PLCH2: variants seen among roughly 807,000 people sequenced by gnomAD.
PLCH2 encodes the protein 1-phosphatidylinositol 4,5-bisphosphate phosphodiesterase eta-2.
In PLCH2, 98 loss-of-function variants were observed where a neutral mutation model predicts 134.7. The ratio of observed to expected loss-of-function variants is 0.73; its 90% CI spans 0.62 to 0.86. The LOEUF (loss-of-function observed/expected upper bound fraction) is 0.86. Among genes scored for constraint, PLCH2 ranks in the 40% least tolerant of loss-of-function variants. The probability of loss-of-function intolerance (pLI) is 0.00; values close to 1 mark genes in which losing one functional copy is unlikely to be tolerated. For synonymous variants in PLCH2, 974 were observed against 827.5 expected (o/e 1.18, Z -3.04); for missense variants, 1,994 against 1,986.6 (o/e 1.00, Z -0.07).
chr1:2,488,123 G>C (rs528893178), intron 8 of PLCH2, among the ~76,000 whole-genome samples: 1 of 152,258 alleles, frequency 6.6e-6, no homozygotes, highest in Non-Finnish European at 1.5e-5. Flanking sequence ...CGTGTGGTTT[G>C]AATTACCTTC....
chr1:2,502,149 G>A lies in PLCH2; in HGVS notation c.2699G>A (p.Arg900Gln), dbSNP rs1223572596. Residue 900 changes from arginine (R) to glutamine (Q), a missense_variant, in exon 21 of 22, where the codon CGA (arginine) becomes CAA (glutamine). Physicochemically the swap from Arg to Gln is conservative, Grantham distance 43 (BLOSUM62 1). This residue lies in a region of PLCH2 where 900 missense variants were observed against 752.3 expected (regional missense o/e 1.20). Coordinates refer to ENST00000378486, the MANE Select transcript of PLCH2 (RefSeq NM_014638.4). ...QALGLKGLFL[R>Q]GPKPGSLDSH... ...CTGGGCCTAAAAGGCCTCTTCCTCC[G>A]AGGCCCAAAGCCCGGCTCGCTGGAC... 18 of 1,482,250 alleles carry A rather than the reference G, an allele frequency of 1.2e-5. No homozygotes were observed. Among genetic ancestry groups the A allele is most frequent in the South Asian group, 4.0e-5 (3 of 75,264 alleles). The allele number at this position is 1,482,250 out of a possible 1,614,324, so 91.8% of individuals were successfully genotyped here. A position where few individuals can be genotyped will look rare whatever the true frequency, so the allele number is the denominator to read the frequency against.
At position 2,444,295 on chromosome 1, in the gene PLCH2, C is replaced by G. The variant is rs1281355438; in HGVS notation, c.115+13666C>G. On this transcript the variant is annotated intron_variant, in intron 2 of 3. Coordinates refer to the PLCH2 transcript ENST00000609981. This position sits in a 1 kb window ranked among gnomAD's most constrained non-coding sequence, Gnocchi z 4.6. The stretch of plus-strand genomic sequence containing the variant: ...TGCTGAGAATGACCCCTGCTGAGCC[C>G]AGGCCGGGCACCCCGATCCCTGCCG... Among the ~76,000 whole-genome samples, 2 of 152,358 alleles carry G rather than the reference C, an allele frequency of 1.3e-5. No individual in the cohort carries two copies. Among genetic ancestry groups the G allele is most frequent in the East Asian group, 3.9e-4 (2 of 5,172 alleles).
chr1:2,471,658 C>T (rs1371006143), upstream of PLCH2, among the ~76,000 whole-genome samples: 3 of 152,230 alleles, frequency 2.0e-5, no homozygotes, highest in African/African-American at 4.8e-5. Context: ...TCCCCCTGCT[C>T]TGGGGCCGGT....
Position 2,448,277 on chromosome 1 carries a change from C to A in PLCH2, c.115+17648C>A, listed in dbSNP as rs1040859888. Reference sequence around the variant, plus strand: ...GCTTATTCTCTCGCAGTCCTGGAGGCTGGAAGTCTGAGGTCAGGGTGTGGG... The same window carrying A: ...GCTTATTCTCTCGCAGTCCTGGAGGATGGAAGTCTGAGGTCAGGGTGTGGG... On this transcript the variant is annotated intron_variant, in intron 2 of 3. Transcript: ENST00000609981. The surrounding 1 kb of genome is among the most constrained non-coding windows in gnomAD (Gnocchi z 4.0). Among the ~76,000 whole-genome samples, 220 of 152,286 alleles carry A rather than the reference C, an allele frequency of 1.4e-3. 1 individual carries two copies. The highest frequency in any genetic ancestry group is 3.4e-4 in the Non-Finnish European group (23 of 68,020).
At chr1:2,488,868 C>T (rs141748073) in intron 8 of PLCH2, among the ~76,000 whole-genome samples, 1 of 152,170 alleles carries the variant, frequency 6.6e-6, no homozygotes, top group Non-Finnish European at 1.5e-5. Context: ...TTGGTTTTGT[C>T]CACATCATTT....
chr1:2,420,280 G>A, the PLCH2 span, among the ~76,000 whole-genome samples: 4 of 152,152 alleles, frequency 2.6e-5, no homozygotes, highest in East Asian at 5.8e-4. Flanking sequence ...CCTTCCTCCC[G>A]CTGCTCGATT....
intron 1 of PLCH2, among the ~76,000 whole-genome samples, chr1:2,469,851 G>C (rs377460898): frequency 1.3e-5 from 2 of 152,220 alleles, no homozygotes; most frequent in African/African-American, 2.4e-5. Context: ...TCTGGCTCCT[G>C]AGAAGTCACT....
At chr1:2,465,732 C>T (rs559787482), upstream of PLCH2, among the ~76,000 whole-genome samples, 87 of 152,280 alleles carry the variant, frequency 5.7e-4, no homozygotes, top group African/African-American at 2.1e-3. Flanking sequence ...AATCGCAGGC[C>T]GCGGTGACGG....
At chr1:2,503,401 T>C in intron 21 of PLCH2, 1 of 587,818 alleles carries the variant, frequency 1.7e-6, no homozygotes. Context: ...GGGCGTCTCC[T>C]GCGCCCCTGG....
intron 8 of PLCH2, 57 bp downstream of exon 8, chr1:2,487,775 G>A (rs1193259911): frequency 1.3e-6 from 2 of 1,542,834 alleles, no homozygotes; most frequent in African/African-American, 1.4e-5. Context: ...AGGGTCTCCA[G>A]GCTCTAGCTC....
intron 1 of PLCH2, among the ~76,000 whole-genome samples, chr1:2,426,631 C>G (rs544968154): frequency 6.6e-6 from 1 of 152,258 alleles, no homozygotes; most frequent in African/African-American, 2.4e-5. Context: ...TCCAGAGTGC[C>G]GGCGAGCTGG....
rs781013335 is a variant in PLCH2, at chr1:2,504,517, C to G, written c.3555C>G (p.His1185Gln). The G allele has an allele frequency of 1.2e-6, 2 of 1,612,504 alleles. No homozygotes were observed. Among genetic ancestry groups the G allele is most frequent in the Admixed American group, 3.3e-5 (2 of 60,014 alleles). Residue 1185 changes from histidine to glutamine, a missense_variant, in exon 22 of 22, where the codon CAC becomes CAG. His to Gln is a conservative substitution (Grantham distance 24, BLOSUM62 0). Around this residue, in one of 2 missense-constraint regions of PLCH2, gnomAD observed 900 missense variants for 752.3 expected, o/e 1.20. Transcript: ENST00000378486. ...AHMGRLPPRP[H>Q]SASAARPDLP... ...TGGGACGCCTGCCCCCCAGGCCCCA[C>G]TCGGCTTCGGCTGCCCGCCCAGACC...
At chr1:2,489,586 C>T (rs1478941746) in intron 9 of PLCH2, among the ~76,000 whole-genome samples, 174 bp from the exon 10 acceptor site, 4 of 152,244 alleles carry the variant, frequency 2.6e-5, no homozygotes, top group African/African-American at 4.8e-5. Flanking sequence ...TTTCCCTTCA[C>T]GCTGCTGCAG....
At chr1:2,488,322 G>A (rs1347164034) in intron 8 of PLCH2, among the ~76,000 whole-genome samples, 1 of 152,236 alleles carries the variant, frequency 6.6e-6, no homozygotes, top group Non-Finnish European at 1.5e-5. Flanking sequence ...CAAGGCACAG[G>A]GGCGGGGATG....
rs1420766959 is a variant in PLCH2, at chr1:2,439,626, C to T, written c.115+8997C>T. 6.6e-6 allele frequency among the ~76,000 whole-genome samples: 1 copy of T among 152,256 alleles called. No individual in the cohort carries two copies. The highest frequency in any genetic ancestry group is 1.5e-5 in the Non-Finnish European group (1 of 68,044). On this transcript the variant is annotated intron_variant, in intron 2 of 3. Coordinates refer to the PLCH2 transcript ENST00000609981. This position sits in a 1 kb window ranked among gnomAD's most constrained non-coding sequence, Gnocchi z 4.7. ...GCTCAGCTGTGCCTCTCCGGGCTGT[C>T]TGTCCTCCATGGTGACCTCAGGCTG...
Position 2,497,619 on chromosome 1 carries a change from T to G in PLCH2, c.2224+10T>G. The G allele has an allele frequency of 6.5e-7, 1 of 1,533,338 alleles. No individual in the cohort carries two copies. 95.0% of individuals were successfully genotyped at this position (1,533,338 alleles called of 1,614,324 possible). ...GGGTGCATGTGCCAGGGTGAGGCAC[T>G]CGGACACTCAGGGCTCGGACGCTCA... On this transcript the variant is annotated intron_variant, in intron 16 of 21. Coordinates refer to ENST00000378486, the MANE Select transcript of PLCH2 (RefSeq NM_014638.4).
chr1:2,494,837 G>A lies in PLCH2; in HGVS notation c.1660-19G>A, dbSNP rs1330990511. 4 of 1,572,354 alleles carry A rather than the reference G, an allele frequency of 2.5e-6. No individual in the cohort carries two copies. The highest frequency in any genetic ancestry group is 1.7e-6 in the Non-Finnish European group (2 of 1,152,312). The stretch of plus-strand genomic sequence containing the variant: ...TCAAGGCTAGACTCACCTTGTCCCT[G>A]TCTCTCCCCTGGACTCAGAGCAAGG... On this transcript the variant is annotated intron_variant, in intron 11 of 21. Transcript: ENST00000378486.
At chr1:2,500,905 C>T (rs1164694150) in intron 20 of PLCH2, 1 of 145,808 alleles carries the variant, frequency 6.9e-6, no homozygotes, top group Non-Finnish European at 1.5e-5. Context: ...CCCGCTGGAG[C>T]CCCCACTGTG....
At chr1:2,424,784 G>A (rs548542837), upstream of PLCH2, among the ~76,000 whole-genome samples, 12 of 152,266 alleles carry the variant, frequency 7.9e-5, no homozygotes, top group Admixed American at 3.9e-4. Context: ...TCAGGAGATC[G>A]AGACCATCCT....
Sources: allele counts gnomAD v4.1 joint callset (sites outside exome capture counted in the v4.1 genomes callset), GRCh38; gene constraint gnomAD v4.1.1; regional missense constraint gnomAD v4.1.1; non-coding constraint Gnocchi (gnomAD v3.1); transcripts MANE v1.5; gene names NCBI Gene and HGNC (gene_info 2026-07-23, HGNC 2026-07-21).